The following FRAS1 variants were observed in gnomAD, a reference collection of about 807,000 sequenced individuals.
FRAS1 encodes the protein Fraser extracellular matrix complex subunit 1.
FRAS1 carries 290 observed loss-of-function variants against 435.2 expected under a neutral mutation model. The ratio of observed to expected loss-of-function variants is 0.67; its 90% CI spans 0.61 to 0.73. FRAS1 has a LOEUF of 0.73. FRAS1 is among the 30% of genes least tolerant of loss of function. The pLI is 0.00. For synonymous variants in FRAS1, 1,800 were observed against 1,851.0 expected, an observed-to-expected ratio of 0.97 and a Z score of 0.71; for missense variants, 4,860 against 5,001.5, an observed-to-expected ratio of 0.97 and a Z score of 0.85.
chr4:78,087,404 A>T (rs1741243296), intron 2 of FRAS1, among the ~76,000 whole-genome samples: 1 of 152,172 alleles, frequency 6.6e-6, no homozygotes, highest in Non-Finnish European at 1.5e-5. Context: ...TATTCAACAT[A>T]GTGTTGGAAG....
rs376938540 is a variant in FRAS1, at chr4:78,318,768, T to G, written c.1961-42T>G. ...TTAATGAAAGATTTGCAACATATAT[T>G]TGATCCTTGGATTATTTTCTGCATT... On this transcript the variant is annotated intron_variant, in intron 17 of 73. Transcript: ENST00000512123. The G allele has an allele frequency of 1.9e-4, 282 of 1,515,914 alleles. No individual in the cohort carries two copies. The African/African-American group carries it at 3.7e-3, about 20-fold the overall frequency. The allele number at this position is 1,515,914 out of a possible 1,614,324, so 93.9% of individuals were successfully genotyped here.
chr4:78,165,058 A>G (rs28673365), intron 2 of FRAS1, among the ~76,000 whole-genome samples: 9,228 of 152,256 alleles, frequency 0.061, 354 homozygotes, highest in Admixed American at 0.09. Flanking sequence ...TTGTTTCCCT[A>G]CAAATGAGCA....
At chr4:78,225,623 A>T (rs1724237682) in intron 2 of FRAS1, among the ~76,000 whole-genome samples, 1 of 152,220 alleles carries the variant, frequency 6.6e-6, no homozygotes, top group African/African-American at 2.4e-5. Context: ...AGTCTTCCGT[A>T]TCTGGGTTAG....
chr4:78,090,480 A>G (rs1157243376), intron 2 of FRAS1, among the ~76,000 whole-genome samples: 5 of 152,122 alleles, frequency 3.3e-5, no homozygotes, highest in Non-Finnish European at 7.4e-5. Flanking sequence ...CCTGACTTAC[A>G]AATTACTGTG....
At chr4:78,106,044 T>C (rs1422348725) in intron 2 of FRAS1, among the ~76,000 whole-genome samples, 1 of 131,632 alleles carries the variant, frequency 7.6e-6, no homozygotes, top group African/African-American at 2.9e-5. Context: ...TCAGACCGGC[T>C]TAAGAAACGG....
chr4:78,069,587 G>A (rs1484993286), intron 2 of FRAS1, among the ~76,000 whole-genome samples: 3 of 92,996 alleles, frequency 3.2e-5, no homozygotes, highest in African/African-American at 1.4e-4. Flanking sequence ...TTATTGCCCC[G>A]ATGTGAAATG....
chr4:78,397,963 T>C (rs368653967), intron 29 of FRAS1, among the ~76,000 whole-genome samples: 33 of 141,298 alleles, frequency 2.3e-4, no homozygotes, highest in African/African-American at 9.7e-4. Context: ...CTATTGTTGA[T>C]TTTTTTTTTC....
At chr4:78,058,115 T>TGTGC (rs774332139) in intron 1 of FRAS1, 30 bp downstream of exon 1, 3 of 1,572,878 alleles carry the variant, frequency 1.9e-6, no homozygotes, top group Non-Finnish European at 2.6e-6. Context: ...TGTGTGTGTG[T>TGTGC]GTGTGCGTGT....
intron 40 of FRAS1, among the ~76,000 whole-genome samples, chr4:78,440,367 C>T (rs897164636): frequency 1.3e-5 from 2 of 152,154 alleles, no homozygotes; most frequent in African/African-American, 4.8e-5. Context: ...TGATATTCCT[C>T]CCATTTTTCC....
intron 1 of FRAS1, among the ~76,000 whole-genome samples, chr4:78,064,309 CT>C (rs149417996): frequency 0.25 from 37,299 of 150,554 alleles, 5,002 homozygotes; most frequent in East Asian, 0.36. Flanking sequence ...AAATAAATTC[CT>C]TTTTTCATAT....
At chr4:78,506,866 C>T (rs1720863158) in intron 61 of FRAS1, among the ~76,000 whole-genome samples, 1 of 152,168 alleles carries the variant, frequency 6.6e-6, no homozygotes, top group Non-Finnish European at 1.5e-5. Flanking sequence ...AGAGCTGTTC[C>T]TATTCGGCCA....
At chr4:78,339,256 G>A (rs1016845172) in intron 20 of FRAS1, among the ~76,000 whole-genome samples, 1 of 152,170 alleles carries the variant, frequency 6.6e-6, no homozygotes, top group African/African-American at 2.4e-5. Context: ...AGATATGGAG[G>A]AGCAGCTACT....
At chr4:78,443,873 G>T (rs1429157209) in intron 41 of FRAS1, among the ~76,000 whole-genome samples, 1 of 152,074 alleles carries the variant, frequency 6.6e-6, no homozygotes, top group Non-Finnish European at 1.5e-5. Context: ...TTTTGAGACA[G>T]GGTCTCGCCT....
At chr4:78,413,865 C>A (rs1371643753) in intron 32 of FRAS1, among the ~76,000 whole-genome samples, 1 of 152,124 alleles carries the variant, frequency 6.6e-6, no homozygotes, top group Non-Finnish European at 1.5e-5. Context: ...ATTAGCAACT[C>A]CTCCGTGACC....
chr4:78,521,617 T>A lies in FRAS1; in HGVS notation c.10635T>A (p.His3545Gln). ...GTCTTGTCATTGAATTCAAGACCCATGCCAAATTCAGAGGTAATATCAATG... is the reference window on the plus strand; with the variant it reads ...GTCTTGTCATTGAATTCAAGACCCAAGCCAAATTCAGAGGTAATATCAATG... ...DGRLVIEFKT[H>Q]AKFRGQFVME... The change falls in exon 68 of 74, where the codon CAT (histidine) becomes CAA (glutamine). Residue 3545 changes from histidine to glutamine, a missense_variant. Transcript: ENST00000512123. The A allele has an allele frequency of 6.2e-7, 1 of 1,605,986 alleles. No individual in the cohort carries two copies. Among genetic ancestry groups the A allele is most frequent in the Non-Finnish European group, 8.5e-7 (1 of 1,176,148 alleles).
chr4:78,212,391 C>T (rs529960857), intron 2 of FRAS1, among the ~76,000 whole-genome samples: 1 of 152,148 alleles, frequency 6.6e-6, no homozygotes, highest in African/African-American at 2.4e-5. Context: ...ACCCCCAAAA[C>T]CAAGTCAAAG....
intron 9 of FRAS1, among the ~76,000 whole-genome samples, chr4:78,274,183 C>T (rs559809985): frequency 3.9e-5 from 6 of 152,002 alleles, no homozygotes; most frequent in Admixed American, 6.6e-5. Context: ...TTTTTTATTG[C>T]GTCTATCTGA....
At chr4:78,444,953 C>T (rs1718746298) in intron 41 of FRAS1, among the ~76,000 whole-genome samples, 1 of 152,210 alleles carries the variant, frequency 6.6e-6, no homozygotes, top group African/African-American at 2.4e-5. Context: ...GGCTCTGACC[C>T]ATGCAGAGGT....
chr4:78,466,148 T>A, intron 49 of FRAS1, 60 bp from the exon 50 acceptor site: 2 of 1,401,312 alleles, frequency 1.4e-6, no homozygotes, highest in Non-Finnish European at 2.0e-6. Context: ...TGGGCATCAC[T>A]CACTCTTTTG....
Sources: gnomAD v4.1 joint callset for allele counts (sites outside exome capture counted in the v4.1 genomes callset) on GRCh38, gnomAD v4.1.1 for gene constraint, MANE v1.5 for transcripts, NCBI Gene and HGNC (gene_info 2026-07-23, HGNC 2026-07-21) for gene names.